URB1: variants seen among roughly 807,000 people sequenced by gnomAD.
URB1 encodes the protein nucleolar pre-ribosomal-associated protein 1.
In URB1, 197 loss-of-function variants were observed where a neutral mutation model predicts 242.3. The ratio of observed to expected loss-of-function variants is 0.81; its 90% CI spans 0.72 to 0.91. The LOEUF is 0.91. Ranked by LOEUF, URB1 falls within the 40% of genes least tolerant of loss-of-function variation. The probability of loss-of-function intolerance (pLI) is 0.00; values close to 1 mark genes in which losing one functional copy is unlikely to be tolerated. For synonymous variants in URB1, 1,153 were observed against 1,201.8 expected, an observed-to-expected ratio of 0.96 and a Z score of 0.84; for missense variants, 2,721 against 2,860.5, an observed-to-expected ratio of 0.95 and a Z score of 1.11.
chr21:32,316,083 A>ACGCG (rs1206095131), intron 38 of URB1, among the ~76,000 whole-genome samples: 3 of 152,250 alleles, frequency 2.0e-5, no homozygotes, highest in Admixed American at 6.5e-5. Flanking sequence ...GCACATGCGC[A>ACGCG]CACATGCAAG....
Position 32,311,852 on chromosome 21 carries a change from G to C in URB1, c.*3066C>G. 2 of 1,614,110 alleles carry C rather than the reference G, an allele frequency of 1.2e-6. No homozygotes were observed. Among genetic ancestry groups the C allele is most frequent in the Non-Finnish European group, 1.7e-6 (2 of 1,180,030 alleles). Reference sequence around the variant, plus strand: ...CTGGCCCTGACCAGCCGCTACGACAGGAGAGCTCCTCCACCTTGCCCCTCG... The same window carrying C: ...CTGGCCCTGACCAGCCGCTACGACACGAGAGCTCCTCCACCTTGCCCCTCG... On this transcript the variant is annotated 3_prime_UTR_variant, in exon 39 of 39. Transcript: ENST00000382751.
chr21:32,314,910 G>A lies in URB1; in HGVS notation c.*8C>T, dbSNP rs527968364. ...GTCATCAGGGTGCAAGGTGCTGGCC[G>A]GCAGGAGTCAAGCATCTGAGGCTGC... is the stretch of plus-strand genomic sequence containing the variant. On this transcript the variant is annotated 3_prime_UTR_variant, in exon 39 of 39. Transcript: ENST00000382751. The A allele has an allele frequency of 4.8e-5, 74 of 1,548,316 alleles. No homozygotes were observed. The highest frequency in any genetic ancestry group is 6.0e-5 in the Non-Finnish European group (69 of 1,145,180).
At position 32,345,550 on chromosome 21, in the gene URB1, C is replaced by G; in HGVS notation, c.3894G>C (p.Leu1298Phe). ...GTAGCTGCCTCCACAGGGTCTTCCT[C>G]AAGACAGGAATGACAGCGGAAGACA... ...AGVSSAVIPV[L>F]RKTLWRQLQS... is the part of the protein sequence containing the mutation. The change falls in exon 23 of 39, where the codon TTG (leucine) becomes TTC (phenylalanine). Residue 1298 changes from leucine to phenylalanine, a missense_variant. Physicochemically the swap from Leu to Phe is conservative, Grantham distance 22 (BLOSUM62 0). Transcript: ENST00000382751. The G allele has an allele frequency of 6.5e-7, 1 of 1,546,372 alleles. No homozygotes were observed. The highest frequency in any genetic ancestry group is 8.8e-7 in the Non-Finnish European group (1 of 1,142,650).
At chr21:32,369,023 G>A (rs181892249) in intron 8 of URB1, among the ~76,000 whole-genome samples, 5 of 152,182 alleles carry the variant, frequency 3.3e-5, no homozygotes, top group South Asian at 2.1e-4. Context: ...TTTTACTGAC[G>A]TTCCTCCTCC....
At chr21:32,389,148 G>A (rs1413160910) in intron 1 of URB1, among the ~76,000 whole-genome samples, 3 of 152,192 alleles carry the variant, frequency 2.0e-5, no homozygotes, top group Non-Finnish European at 4.4e-5. Flanking sequence ...AAGAAGTAAT[G>A]CTGAACCTAT....
At position 32,311,849 on chromosome 21, in the gene URB1, A is replaced by T; in HGVS notation, c.*3069T>A. On this transcript the variant is annotated 3_prime_UTR_variant, in exon 39 of 39. Coordinates refer to ENST00000382751, the MANE Select transcript of URB1 (RefSeq NM_014825.3). The stretch of plus-strand genomic sequence containing the variant: ...GAACTGGCCCTGACCAGCCGCTACG[A>T]CAGGAGAGCTCCTCCACCTTGCCCC... 1 of 1,614,104 alleles carries T rather than the reference A, an allele frequency of 6.2e-7. No homozygotes were observed. The highest frequency in any genetic ancestry group is 8.5e-7 in the Non-Finnish European group (1 of 1,180,036).
At chr21:32,385,505 C>G in intron 2 of URB1, 40 bp downstream of exon 2, 1 of 1,535,262 alleles carries the variant, frequency 6.5e-7, no homozygotes, top group East Asian at 2.5e-5. Flanking sequence ...GCAGCATTAA[C>G]TTTTCTTCTC....
chr21:32,344,359 T>C (rs995251809), intron 24 of URB1, among the ~76,000 whole-genome samples: 2 of 152,322 alleles, frequency 1.3e-5, no homozygotes, highest in East Asian at 3.9e-4. Flanking sequence ...AAAAAGCATT[T>C]GACAAAATCC....
intron 4 of URB1, among the ~76,000 whole-genome samples, chr21:32,380,559 C>T (rs948996622): frequency 2.1e-4 from 32 of 152,166 alleles, no homozygotes; most frequent in African/African-American, 7.5e-4. Flanking sequence ...ATTCAAGATG[C>T]CATCATCTCA....
chr21:32,335,102 T>C (rs1414134085), intron 28 of URB1: 1 of 152,646 alleles, frequency 6.6e-6, no homozygotes. Context: ...GGAATGGAAA[T>C]GCTTCCATCT....
At chr21:32,330,696 A>C (rs2032883858) in intron 30 of URB1, among the ~76,000 whole-genome samples, 1 of 152,208 alleles carries the variant, frequency 6.6e-6, no homozygotes, top group Admixed American at 6.5e-5. Flanking sequence ...AGCACCACTG[A>C]GGCACAGGGG....
chr21:32,320,794 A>G (rs2032755705), intron 34 of URB1, among the ~76,000 whole-genome samples, 154 bp from the exon 35 acceptor site: 1 of 152,212 alleles, frequency 6.6e-6, no homozygotes, highest in Non-Finnish European at 1.5e-5. Context: ...GTGGCCATGT[A>G]CGAACGTGCC....
At chr21:32,329,993 G>A (rs1377552304) in intron 30 of URB1, among the ~76,000 whole-genome samples, 1 of 152,154 alleles carries the variant, frequency 6.6e-6, no homozygotes, top group Non-Finnish European at 1.5e-5. Flanking sequence ...TCTATGCCCT[G>A]ATCTCACTGG....
At chr21:32,333,905 T>C (rs1205698164) in intron 29 of URB1, among the ~76,000 whole-genome samples, 2 of 152,164 alleles carry the variant, frequency 1.3e-5, no homozygotes, top group Non-Finnish European at 1.5e-5. Flanking sequence ...AATGATAGGA[T>C]CCTTGGGATG....
intron 24 of URB1, among the ~76,000 whole-genome samples, chr21:32,342,747 G>GCCT (rs1052577164): frequency 1.3e-5 from 2 of 149,874 alleles, no homozygotes; most frequent in African/African-American, 4.9e-5. Flanking sequence ...GTGCCACCAT[G>GCCT]CCTGGCTCAT....
chr21:32,339,050 A>T (rs147976470), intron 25 of URB1, 150 bp from the exon 26 acceptor site: 1 of 872,540 alleles, frequency 1.1e-6, no homozygotes, highest in Non-Finnish European at 1.7e-6. Context: ...GCTGGAGTAC[A>T]GTGGTGCAAT....
At chr21:32,378,908 G>A (rs1237262051) in intron 4 of URB1, among the ~76,000 whole-genome samples, 5 of 152,166 alleles carry the variant, frequency 3.3e-5, no homozygotes, top group African/African-American at 4.8e-5. Flanking sequence ...ATCTCCTCTC[G>A]CTTGCTGATG....
intron 28 of URB1, among the ~76,000 whole-genome samples, chr21:32,336,134 G>A (rs1340817872): frequency 6.6e-6 from 1 of 152,190 alleles, no homozygotes; most frequent in Non-Finnish European, 1.5e-5. Flanking sequence ...GAGCGAGGCT[G>A]CCGCAGGAGA....
chr21:32,384,593 C>T, intron 2 of URB1, 129 bp from the exon 3 acceptor site: 1 of 1,243,024 alleles, frequency 8.0e-7, no homozygotes, highest in Non-Finnish European at 1.1e-6. Flanking sequence ...TGACGCCCAC[C>T]CAGATCCTGA....
Sources: allele counts gnomAD v4.1 joint callset (sites outside exome capture counted in the v4.1 genomes callset), GRCh38; gene constraint gnomAD v4.1.1; transcripts MANE v1.5; gene names NCBI Gene and HGNC (gene_info 2026-07-23, HGNC 2026-07-21).